Variants in RYR3 observed in about 807,000 individuals in gnomAD.
The protein encoded by RYR3 is brain ryanodine receptor-calcium release channel.
In RYR3, 207 loss-of-function variants were observed where a neutral mutation model predicts 584.3. That is an observed-to-expected ratio of 0.35 (90% CI 0.32 to 0.40). The LOEUF is 0.40. Among genes scored for constraint, RYR3 ranks in the 10% least tolerant of loss-of-function variants. The pLI is 1.00. For synonymous variants in RYR3, 2,416 were observed against 2,248.5 expected (o/e 1.07, Z -2.11); for missense variants, 5,616 against 6,089.2 (o/e 0.92, Z 2.59).
intron 1 of RYR3, among the ~76,000 whole-genome samples, chr15:33,459,002 T>C (rs1445912125): frequency 1.3e-5 from 2 of 152,196 alleles, no homozygotes; most frequent in African/African-American, 4.8e-5. Context: ...TTCTCTAACT[T>C]CCCCAGCTGT....
intron 1 of RYR3, among the ~76,000 whole-genome samples, chr15:33,422,496 A>AG (rs1258588757): frequency 6.6e-6 from 1 of 152,214 alleles, no homozygotes; most frequent in East Asian, 1.9e-4. Flanking sequence ...GCCATTGCAG[A>AG]GGGATAAATC....
At chr15:33,453,148 C>T (rs77415958) in intron 1 of RYR3, among the ~76,000 whole-genome samples, 4,120 of 152,234 alleles carry the variant, frequency 0.027, 102 homozygotes, top group African/African-American at 0.06. Flanking sequence ...TATCTCAAAG[C>T]TCAAAATAAA....
At chr15:33,855,679 C>T (rs967510006) in intron 98 of RYR3, among the ~76,000 whole-genome samples, 1 of 151,646 alleles carries the variant, frequency 6.6e-6, no homozygotes, top group African/African-American at 2.4e-5. Flanking sequence ...TTCAGATACA[C>T]ACACACATAT....
intron 37 of RYR3, 131 bp downstream of exon 37, chr15:33,669,587 C>T (rs989097922): frequency 2.3e-5 from 17 of 723,758 alleles, no homozygotes; most frequent in African/African-American, 2.1e-4. Context: ...TCTTTCAAGA[C>T]GTGACTATCC....
chr15:33,791,272 A>G (rs112019209), intron 67 of RYR3, among the ~76,000 whole-genome samples: 2 of 152,278 alleles, frequency 1.3e-5, no homozygotes, highest in Non-Finnish European at 2.9e-5. Context: ...AGAGAGAGAC[A>G]ATTTCTAAGG....
intron 1 of RYR3, among the ~76,000 whole-genome samples, chr15:33,417,745 C>G (rs1249593715): frequency 1.3e-5 from 2 of 152,120 alleles, no homozygotes. Context: ...TGGGAATGGA[C>G]ATCCTTGTCT....
chr15:33,685,893 A>G (rs564913538), intron 38 of RYR3, among the ~76,000 whole-genome samples: 59 of 152,374 alleles, frequency 3.9e-4, no homozygotes, highest in African/African-American at 1.3e-3. Context: ...TTTGAAACCA[A>G]TGAGAACAAA....
At chr15:33,818,513 G>T (rs1221394748) in intron 75 of RYR3, 65 bp from the exon 76 acceptor site, 7 of 1,194,504 alleles carry the variant, frequency 5.9e-6, no homozygotes, top group Non-Finnish European at 8.6e-6. Context: ...CTCTTTGTTC[G>T]CATGCCAGTC....
chr15:33,857,668 C>A (rs1467929623), intron 98 of RYR3, 112 bp from the exon 99 acceptor site: 20 of 1,365,516 alleles, frequency 1.5e-5, no homozygotes, highest in Non-Finnish European at 2.0e-5. Flanking sequence ...TTCCCCATTT[C>A]CTCTCCTTGC....
intron 42 of RYR3, among the ~76,000 whole-genome samples, chr15:33,702,937 T>G (rs2066414060): frequency 1.3e-5 from 2 of 151,754 alleles, no homozygotes; most frequent in Middle Eastern, 3.4e-3. Context: ...GAACGTGGGG[T>G]GGCTCAAAGA....
chr15:33,760,825 C>G lies in RYR3; in HGVS notation c.8705+3229C>G, dbSNP rs541376564. On this transcript the variant is annotated intron_variant, in intron 60 of 103. Transcript: ENST00000634891. Reference sequence around the variant, plus strand: ...CTTCTCAGCACCACATGCACCTATTCTAAAATTGACCACATAATTGGAAGT... The same window carrying G: ...CTTCTCAGCACCACATGCACCTATTGTAAAATTGACCACATAATTGGAAGT... 2.6e-5 allele frequency among the ~76,000 whole-genome samples: 4 copies of G among 152,286 alleles called. No individual in the cohort carries two copies. In the East Asian group the frequency reaches 7.7e-4, roughly 29 times the overall value.
Position 33,810,623 on chromosome 15 carries a change from T to C in RYR3, c.10171T>C (p.Ser3391Pro). ...MCTPGDQELISLAKSRYSHRD... is the reference protein window; with the variant it reads ...MCTPGDQELIPLAKSRYSHRD... ...TACTCCAGGCGACCAGGAGCTGATC[T>C]CCCTCGCAAAATCGCGATACAGCCA... Residue 3391 changes from serine (S) to proline (P), a missense_variant, in exon 71 of 104, where the codon TCC becomes CCC. By Grantham distance (74) the Ser-to-Pro change is moderately conservative. Transcript: ENST00000634891. 1 of 1,613,976 alleles carries C rather than the reference T, an allele frequency of 6.2e-7. No homozygotes were observed. Among genetic ancestry groups the C allele is most frequent in the Non-Finnish European group, 8.5e-7 (1 of 1,179,874 alleles).
At chr15:33,678,806 A>G (rs1167601613) in intron 38 of RYR3, among the ~76,000 whole-genome samples, 3 of 152,220 alleles carry the variant, frequency 2.0e-5, no homozygotes, top group Non-Finnish European at 4.4e-5. Flanking sequence ...TAAACAGAGC[A>G]GTTCTTCTTA....
At chr15:33,792,244 G>A (rs1317931607) in intron 67 of RYR3, among the ~76,000 whole-genome samples, 1 of 152,132 alleles carries the variant, frequency 6.6e-6, no homozygotes, top group Non-Finnish European at 1.5e-5. Context: ...ACACTTCATG[G>A]TGTGTGTCTC....
chr15:33,498,605 GT>G (rs2051655925), intron 2 of RYR3, among the ~76,000 whole-genome samples: 1 of 152,090 alleles, frequency 6.6e-6, no homozygotes, highest in South Asian at 2.1e-4. Context: ...TGGATGAATA[GT>G]TTGCAAATAT....
intron 10 of RYR3, among the ~76,000 whole-genome samples, chr15:33,552,054 C>G (rs1382300889): frequency 6.6e-6 from 1 of 152,220 alleles, no homozygotes; most frequent in Non-Finnish European, 1.5e-5. Context: ...TACCCCCTTT[C>G]TCCTTGACCC....
intron 94 of RYR3, chr15:33,850,450 A>G (rs536343349): frequency 6.6e-6 from 1 of 152,302 alleles, no homozygotes; most frequent in African/African-American, 2.4e-5. Flanking sequence ...CAAGTACACT[A>G]AAATGTCCTA....
intron 3 of RYR3, among the ~76,000 whole-genome samples, chr15:33,516,657 A>C (rs1289826683): frequency 6.6e-6 from 1 of 151,736 alleles, no homozygotes; most frequent in Non-Finnish European, 1.5e-5. Context: ...TTTTAAATGC[A>C]CTCACTTGAT....
chr15:33,694,268 C>T (rs897578328), intron 38 of RYR3, among the ~76,000 whole-genome samples: 3 of 149,816 alleles, frequency 2.0e-5, no homozygotes, highest in African/African-American at 2.5e-5. Context: ...TTTTTCAAGA[C>T]GGAGTCTTGG....
Sources: allele counts gnomAD v4.1 joint callset (sites outside exome capture counted in the v4.1 genomes callset), GRCh38; gene constraint gnomAD v4.1.1; transcripts MANE v1.5; gene names NCBI Gene and HGNC (gene_info 2026-07-23, HGNC 2026-07-21).